The following KPLCE variants were observed in gnomAD, a reference collection of about 807,000 sequenced individuals.
KPLCE encodes the protein KPRP N-terminal and LCE C-terminal like protein, also known as protein KPLCE.
chr1:152,720,256 G>A, the KPLCE span: 1 of 1,547,654 alleles, frequency 6.5e-7, no homozygotes, highest in Admixed American at 2.0e-5. Context: ...GTGACCATGA[G>A]GATGACTGCT....
chr1:152,719,743 C>T, the KPLCE span: 1 of 1,552,036 alleles, frequency 6.4e-7, no homozygotes, highest in South Asian at 1.2e-5. Flanking sequence ...CAGCTCCCTG[C>T]CAGAGGACCT....
the KPLCE span, chr1:152,720,034 C>A: frequency 6.4e-7 from 1 of 1,551,766 alleles, no homozygotes; most frequent in Non-Finnish European, 8.7e-7. Flanking sequence ...CCAGCTACTG[C>A]TGTCTGGCTC....
the KPLCE span, chr1:152,719,877 C>T: frequency 6.4e-7 from 1 of 1,552,238 alleles, no homozygotes; most frequent in Non-Finnish European, 8.7e-7. Flanking sequence ...TGCCAGATGA[C>T]CTACATCAAA....
At chr1:152,720,191 T>G in the KPLCE span, 1 of 1,551,700 alleles carries the variant, frequency 6.4e-7, no homozygotes, top group East Asian at 2.4e-5. Context: ...ATGTGGCAGC[T>G]CTGGGTGCTG....
At chr1:152,719,985 A>G in the KPLCE span, 4 of 1,551,796 alleles carry the variant, frequency 2.6e-6, no homozygotes, top group Non-Finnish European at 3.5e-6. Flanking sequence ...TCAACCTCCC[A>G]GTACTGTGTC....
At chr1:152,720,351 C>T in the KPLCE span, 3 of 1,176,568 alleles carry the variant, frequency 2.5e-6, no homozygotes, top group African/African-American at 4.6e-5. Flanking sequence ...GGCCCCCTCT[C>T]TGTTAGTGCC....
chr1:152,720,312 T>G, the KPLCE span: 1 of 1,462,212 alleles, frequency 6.8e-7, no homozygotes, highest in South Asian at 1.4e-5. Context: ...ACTGCCCCGC[T>G]ACCCCTTCTG....
the KPLCE span, chr1:152,719,795 C>T: frequency 3.2e-6 from 5 of 1,551,428 alleles, no homozygotes; most frequent in Non-Finnish European, 4.4e-6. Context: ...TGTGAAGTGC[C>T]CAGCTCCCTG....
chr1:152,720,351 C>G, the KPLCE span: 1 of 1,176,686 alleles, frequency 8.5e-7, no homozygotes, highest in East Asian at 2.6e-5. Flanking sequence ...GGCCCCCTCT[C>G]TGTTAGTGCC....
At chr1:152,720,282 A>G in the KPLCE span, 1 of 1,532,756 alleles carries the variant, frequency 6.5e-7, no homozygotes, top group South Asian at 1.2e-5. Flanking sequence ...TAAACATACG[A>G]CAGCTCAACT....
chr1:152,720,234 G>A, the KPLCE span: 1 of 1,551,258 alleles, frequency 6.4e-7, no homozygotes, highest in Non-Finnish European at 8.7e-7. Flanking sequence ...AGGTCCCGAG[G>A]TCCTGCATGC....
At chr1:152,719,844 C>T in the KPLCE span, 1 of 1,552,194 alleles carries the variant, frequency 6.4e-7, no homozygotes, top group Non-Finnish European at 8.7e-7. Flanking sequence ...CCCTGCCAAA[C>T]CTACGTGAAG....
chr1:152,719,998 T>A, the KPLCE span: 1 of 1,551,810 alleles, frequency 6.4e-7, no homozygotes, highest in East Asian at 2.4e-5. Flanking sequence ...ACTGTGTCAC[T>A]GACCCATGCT....
At chr1:152,720,137 A>G in the KPLCE span, 27 of 1,551,480 alleles carry the variant, frequency 1.7e-5, no homozygotes, top group Non-Finnish European at 2.4e-5. Context: ...GAATTCGGGA[A>G]GCTCTGGATG....
chr1:152,719,871 A>G, the KPLCE span: 2 of 1,552,182 alleles, frequency 1.3e-6, no homozygotes, highest in Non-Finnish European at 1.7e-6. Context: ...GCTCCCTGCC[A>G]GATGACCTAC....
the KPLCE span, chr1:152,719,861 G>T: frequency 1.3e-6 from 2 of 1,552,076 alleles, no homozygotes; most frequent in South Asian, 1.2e-5. Context: ...GAAGTGCCCA[G>T]CTCCCTGCCA....
chr1:152,720,006 G>T, the KPLCE span: 1 of 1,551,784 alleles, frequency 6.4e-7, no homozygotes, highest in African/African-American at 1.4e-5. Context: ...ACTGACCCAT[G>T]CTCTGCTCCC....
the KPLCE span, chr1:152,720,333 C>G: frequency 1.5e-6 from 2 of 1,349,210 alleles, no homozygotes. Flanking sequence ...GAACATGCAC[C>G]AGCTTCTGGC....
the KPLCE span, chr1:152,720,276 C>T: frequency 6.5e-7 from 1 of 1,536,706 alleles, no homozygotes; most frequent in Non-Finnish European, 8.8e-7. Context: ...TGCTGCTAAA[C>T]ATACGACAGC....
Sources: gnomAD v4.1 joint callset for allele counts on GRCh38, gnomAD v4.1.1 for gene constraint, MANE v1.5 for transcripts, NCBI Gene and HGNC (gene_info 2026-07-23, HGNC 2026-07-21) for gene names.